The following CAPN2 variants were observed in gnomAD, a reference collection of about 807,000 sequenced individuals.
CAPN2 encodes the protein calpain-2 catalytic subunit.
In CAPN2, 92 loss-of-function variants were observed where a neutral mutation model predicts 102.3. The observed-to-expected ratio is 0.90, with a 90% CI of 0.76 to 1.07. The LOEUF is 1.07. CAPN2 is among the 50% of genes least tolerant of loss of function. The pLI is 0.00. For synonymous variants in CAPN2, 340 were observed against 355.4 expected (o/e 0.96, Z 0.49); for missense variants, 800 against 909.4 (o/e 0.88, Z 1.55).
At chr1:223,764,834 C>T (rs1299660418) in intron 15 of CAPN2, among the ~76,000 whole-genome samples, 1 of 152,194 alleles carries the variant, frequency 6.6e-6, no homozygotes, top group Non-Finnish European at 1.5e-5. Context: ...GTGATCTGCC[C>T]ACCTCGGCCT....
intron 1 of CAPN2, among the ~76,000 whole-genome samples, chr1:223,703,516 A>G (rs546345280): frequency 1.5e-3 from 230 of 152,338 alleles, no homozygotes; most frequent in African/African-American, 5.3e-3. Flanking sequence ...TTTCTGCCCA[A>G]TGCAGACTTC....
intron 2 of CAPN2, among the ~76,000 whole-genome samples, chr1:223,722,458 T>TTG (rs1660077585): frequency 6.6e-6 from 1 of 151,688 alleles, no homozygotes; most frequent in African/African-American, 2.4e-5. Flanking sequence ...TGGCTAATTT[T>TTG]TGTGTGTGTC....
chr1:223,767,192 ATTTT>A lies in CAPN2; in HGVS notation c.1755+764_1755+767del, dbSNP rs1355097739. Among the ~76,000 whole-genome samples, 38 of 143,356 alleles carry A rather than the reference ATTTT, an allele frequency of 2.7e-4. No homozygotes were observed. The East Asian group carries it at 4.9e-3, about 18-fold the overall frequency. 94.0% of individuals were successfully genotyped at this position (143,356 alleles called of 152,430 possible). A position where few individuals can be genotyped will look rare whatever the true frequency, so the allele number is the denominator to read the frequency against. Reference sequence around the variant, plus strand: ...GTCTTCTTTATTTATTTATTTATTTATTTTTTATTATTATACTTTAAGTTTTAGG... The same window carrying A: ...GTCTTCTTTATTTATTTATTTATTTATTATTATTATACTTTAAGTTTTAGG... On this transcript the variant is annotated intron_variant, in intron 16 of 20. Transcript: ENST00000295006.
chr1:223,736,650 CAGTCCTTTTCACACG>C (rs1201887746), intron 2 of CAPN2, among the ~76,000 whole-genome samples: 1 of 152,226 alleles, frequency 6.6e-6, no homozygotes, highest in Non-Finnish European at 1.5e-5. Flanking sequence ...AGCCTGCTTT[CAGTCCTTTTCACACG>C]AGAGCATTTA....
At chr1:223,752,693 C>T (rs1424591748) in intron 8 of CAPN2, 103 bp from the exon 9 acceptor site, 3 of 1,086,262 alleles carry the variant, frequency 2.8e-6, no homozygotes, top group East Asian at 2.4e-5. Flanking sequence ...TAATGAGCTG[C>T]TCTGCCTGGC....
At chr1:223,750,282 A>G (rs1389816929) in intron 6 of CAPN2, among the ~76,000 whole-genome samples, 1 of 152,200 alleles carries the variant, frequency 6.6e-6, no homozygotes, top group Non-Finnish European at 1.5e-5. Flanking sequence ...TTTGAGCCAT[A>G]TGAAAGTAAG....
rs12023822 is a variant in CAPN2 at position 223,739,335 on chromosome 1, C to A, written c.308-4765C>A. Among the ~76,000 whole-genome samples, 691 of 152,204 alleles carry A rather than the reference C, an allele frequency of 4.5e-3. 32 individuals are homozygous for A. The East Asian group carries it at 0.11, about 23-fold the overall frequency. On this transcript the variant is annotated intron_variant, in intron 2 of 20. Transcript: ENST00000295006. ...AGTAGCTGGGACTACAGGCGCGTGCCAACATGCCTGGCTAATTTTTGTATT... is the reference window on the plus strand; with the variant it reads ...AGTAGCTGGGACTACAGGCGCGTGCAAACATGCCTGGCTAATTTTTGTATT...
intron 2 of CAPN2, among the ~76,000 whole-genome samples, chr1:223,719,805 CGTGTGTGT>C (rs10556130): frequency 1.4e-4 from 20 of 143,656 alleles, no homozygotes; most frequent in African/African-American, 4.6e-4. Flanking sequence ...GGGGTGTGTG[CGTGTGTGT>C]GTGTGTGTGT....
intron 6 of CAPN2, among the ~76,000 whole-genome samples, chr1:223,750,528 C>T (rs1247452856): frequency 6.6e-6 from 1 of 152,226 alleles, no homozygotes; most frequent in Admixed American, 6.5e-5. Flanking sequence ...ACTGCATGTG[C>T]CTGTTATCAC....
Position 223,759,176 on chromosome 1 carries a change from C to T in CAPN2, c.1318-94C>T, listed in dbSNP as rs1449452688. 1 of 1,206,622 alleles carries T rather than the reference C, an allele frequency of 8.3e-7. No homozygotes were observed. Among genetic ancestry groups the T allele is most frequent in the Non-Finnish European group, 1.2e-6 (1 of 823,404 alleles). 74.7% of individuals were successfully genotyped at this position (1,206,622 alleles called of 1,614,324 possible). On this transcript the variant is annotated intron_variant, in intron 11 of 20. Transcript: ENST00000295006. The surrounding 1 kb of genome is among the most constrained non-coding windows in gnomAD (Gnocchi z 4.6). Reference sequence around the variant, plus strand: ...CCAGGACAGCAGGACTGAGCCACCACACTACCCAACTGCTTTTATCTCAGT... The same window carrying T: ...CCAGGACAGCAGGACTGAGCCACCATACTACCCAACTGCTTTTATCTCAGT...
In CAPN2 at chr1:223,714,912, G is replaced by A. The variant is rs146127910; in HGVS notation, c.237+2035G>A. Reference sequence around the variant, plus strand: ...TGTAGAGGTCTAGAGATGATCTAGCGCCACTGCTTAGGGCAGGCGGGCTGT... The same window carrying A: ...TGTAGAGGTCTAGAGATGATCTAGCACCACTGCTTAGGGCAGGCGGGCTGT... On this transcript the variant is annotated intron_variant, in intron 1 of 20. Transcript: ENST00000295006. 1.2e-4 allele frequency among the ~76,000 whole-genome samples: 18 copies of A among 152,344 alleles called. No individual in the cohort carries two copies. The East Asian group carries it at 2.9e-3, about 24-fold the overall frequency.
intron 7 of CAPN2, among the ~76,000 whole-genome samples, chr1:223,751,690 C>T (rs1311572810): frequency 6.6e-6 from 1 of 152,234 alleles, no homozygotes; most frequent in Non-Finnish European, 1.5e-5. Flanking sequence ...AATTGGGCAA[C>T]TGCTCTGAGC....
Position 223,746,988 on chromosome 1 carries a change from CTCTTGTAGGA to C in CAPN2, c.561-6_564del. ...AAGGGTAGCGGCAGCGTCTAATCCCCTCTTGTAGGATCAACGGATGCTATGAAGCGCTATC... is the reference window on the plus strand; with the variant it reads ...AAGGGTAGCGGCAGCGTCTAATCCCCTCAACGGATGCTATGAAGCGCTATC... On this transcript the variant is annotated splice_acceptor_variant and splice_polypyrimidine_tract_variant and coding_sequence_variant and intron_variant, in exon 5 of 21. Transcript: ENST00000295006. LOFTEE classifies it high-confidence loss of function. The C allele has an allele frequency of 6.2e-7, 1 of 1,612,272 alleles. No homozygotes were observed. Among genetic ancestry groups the C allele is most frequent in the Non-Finnish European group, 8.5e-7 (1 of 1,178,792 alleles).
chr1:223,744,028 T>A, intron 2 of CAPN2, 72 bp from the exon 3 acceptor site: 4 of 1,010,308 alleles, frequency 4.0e-6, no homozygotes, highest in Non-Finnish European at 6.3e-6. Context: ...CCCCTGGAGG[T>A]GGAGACAAGA....
At chr1:223,721,026 G>A (rs575367430) in intron 2 of CAPN2, among the ~76,000 whole-genome samples, 6 of 152,084 alleles carry the variant, frequency 3.9e-5, no homozygotes, top group East Asian at 1.9e-4. Flanking sequence ...ACTTTGCAAC[G>A]CCCTGCCCTG....
intron 7 of CAPN2, 56 bp from the exon 8 acceptor site, chr1:223,751,941 G>T: frequency 8.4e-7 from 1 of 1,185,550 alleles, no homozygotes; most frequent in East Asian, 2.4e-5. Context: ...CAACTCTGGG[G>T]CCTTTGGGGA....
intron 4 of CAPN2, 141 bp downstream of exon 4, chr1:223,745,580 G>A (rs1011038995): frequency 3.0e-5 from 25 of 835,256 alleles, no homozygotes; most frequent in African/African-American, 2.5e-4. Context: ...AGACCAGCCT[G>A]GCCAACATGA....
At position 223,750,942 on chromosome 1, in the gene CAPN2, G is replaced by T. The variant is rs779863936; in HGVS notation, c.866G>T (p.Gly289Val). 1.3e-6 allele frequency: 2 copies of T among 1,552,646 alleles called. No homozygotes were observed. Among genetic ancestry groups the T allele is most frequent in the South Asian group, 2.4e-5 (2 of 84,106 alleles). Residue 289 changes from glycine (G) to valine (V), a missense_variant, in exon 7 of 21, where the codon GGA (glycine) becomes GTA (valine). Transcript: ENST00000295006. The stretch of plus-strand genomic sequence containing the variant: ...CTGATCCGCATCCGAAATCCCTGGG[G>T]AGAAGTGGAGTGGACAGGGCGGTGG... ...QKLIRIRNPW[G>V]EVEWTGRWND... is the part of the protein sequence containing the mutation.
At chr1:223,702,154 C>T (rs1203491659) in intron 1 of CAPN2, among the ~76,000 whole-genome samples, 3 of 103,276 alleles carry the variant, frequency 2.9e-5, no homozygotes, top group African/African-American at 1.3e-4. Context: ...GGCTGGGCGC[C>T]GTGGCTCACG....
Sources: gnomAD v4.1 joint callset for allele counts (sites outside exome capture counted in the v4.1 genomes callset) on GRCh38, gnomAD v4.1.1 for gene constraint, Gnocchi (gnomAD v3.1) non-coding constraint, MANE v1.5 for transcripts, NCBI Gene and HGNC (gene_info 2026-07-23, HGNC 2026-07-21) for gene names.